MAP3K1: variants seen among roughly 807,000 people sequenced by gnomAD.
The protein encoded by MAP3K1 is mitogen-activated protein kinase kinase kinase 1.
In MAP3K1, 36 loss-of-function variants were observed where a neutral mutation model predicts 144.2. The observed-to-expected ratio is 0.25, with a 90% CI of 0.19 to 0.33. The LOEUF (loss-of-function observed/expected upper bound fraction) is 0.33. MAP3K1 is among the 10% of genes least tolerant of loss of function. MAP3K1 has a pLI of 1.00. For synonymous variants in MAP3K1, 718 were observed against 688.7 expected (o/e 1.04, Z -0.67); for missense variants, 1,650 against 1,881.9 (o/e 0.88, Z 2.28).
chr5:56,881,043 A>C, intron 12 of MAP3K1, 40 bp from the exon 13 acceptor site: 1 of 1,485,572 alleles, frequency 6.7e-7, no homozygotes. Context: ...TTTTAATATC[A>C]CTATTTTTTA....
intron 1 of MAP3K1, among the ~76,000 whole-genome samples, chr5:56,853,191 AC>A (rs1747229070): frequency 6.6e-6 from 1 of 152,218 alleles, no homozygotes; most frequent in South Asian, 2.1e-4. Context: ...AATTATAATA[AC>A]TTTTGATTGC....
rs1160076543 is a variant in MAP3K1, at chr5:56,872,727, T to C, written c.1505+5T>C. ...GAGATCTCATGATTTCTACAGGTAA[T>C]AATTTTGAAATGATACGGATATGTT... On this transcript the variant is annotated splice_donor_5th_base_variant and intron_variant, in intron 8 of 19. Transcript: ENST00000399503. 1.2e-6 allele frequency: 2 copies of C among 1,600,538 alleles called. No homozygotes were observed. Among genetic ancestry groups the C allele is most frequent in the Non-Finnish European group, 1.7e-6 (2 of 1,167,946 alleles).
intron 9 of MAP3K1, among the ~76,000 whole-genome samples, chr5:56,874,725 G>A (rs946454123): frequency 3.9e-5 from 6 of 151,936 alleles, no homozygotes; most frequent in African/African-American, 1.5e-4. Context: ...TTGGCGTTTT[G>A]GTAAGCATGT....
chr5:56,882,823 T>G lies in MAP3K1; in HGVS notation c.3623T>G (p.Leu1208Arg). Reference sequence around the variant, plus strand: ...GATGCCCTCCCCATAGTTCCTCAGCTGCAGGTTGAAAATGGAGAAGATATC... The same window carrying G: ...GATGCCCTCCCCATAGTTCCTCAGCGGCAGGTTGAAAATGGAGAAGATATC... ...SQDALPIVPQ[L>R]QVENGEDIII... Residue 1208 changes from leucine (L) to arginine (R), a missense_variant, in exon 14 of 20, where the codon CTG (leucine) becomes CGG (arginine). By Grantham distance (102) the Leu-to-Arg change is moderately radical. Transcript: ENST00000399503. The G allele has an allele frequency of 6.2e-7, 1 of 1,612,610 alleles. No homozygotes were observed. The highest frequency in any genetic ancestry group is 8.5e-7 in the Non-Finnish European group (1 of 1,179,742).
chr5:56,841,984 ATAG>A (rs1397108167), intron 1 of MAP3K1: 2 of 152,226 alleles, frequency 1.3e-5, no homozygotes, highest in Admixed American at 6.5e-5. Flanking sequence ...ACATTAGATA[ATAG>A]TATAATAAAC....
At chr5:56,859,177 T>C (rs1327166310) in intron 2 of MAP3K1, among the ~76,000 whole-genome samples, 3 of 141,054 alleles carry the variant, frequency 2.1e-5, no homozygotes, top group Non-Finnish European at 4.6e-5. Context: ...TAACCTATTA[T>C]TGTAATATAA....
intron 1 of MAP3K1, among the ~76,000 whole-genome samples, chr5:56,821,825 G>T (rs1265195213): frequency 6.6e-6 from 1 of 152,178 alleles, no homozygotes; most frequent in Non-Finnish European, 1.5e-5. Flanking sequence ...CCATCTCCCA[G>T]CATCTAGACT....
intron 2 of MAP3K1, among the ~76,000 whole-genome samples, chr5:56,857,317 G>A (rs1445753080): frequency 1.3e-5 from 2 of 152,052 alleles, no homozygotes; most frequent in African/African-American, 4.8e-5. Flanking sequence ...TTTGATGAAA[G>A]AAAATCTAGA....
At chr5:56,870,671 T>C (rs1425245442) in intron 6 of MAP3K1, among the ~76,000 whole-genome samples, 3 of 152,170 alleles carry the variant, frequency 2.0e-5, no homozygotes, top group African/African-American at 7.2e-5. Context: ...ACTTTTACTT[T>C]ATATATCAAG....
chr5:56,883,086 A>G (rs1211508351), intron 14 of MAP3K1, among the ~76,000 whole-genome samples: 1 of 152,152 alleles, frequency 6.6e-6, no homozygotes, highest in Non-Finnish European at 1.5e-5. Context: ...GCTACTCAGG[A>G]AGCTGAGGTG....
At chr5:56,834,828 T>C (rs1327809910) in intron 1 of MAP3K1, among the ~76,000 whole-genome samples, 2 of 151,978 alleles carry the variant, frequency 1.3e-5, no homozygotes, top group Admixed American at 6.5e-5. Flanking sequence ...CTCCTGAAAA[T>C]GATTTTGTTG....
chr5:56,891,175 A>G (rs1387719994), intron 19 of MAP3K1, among the ~76,000 whole-genome samples: 1 of 149,894 alleles, frequency 6.7e-6, no homozygotes, highest in Non-Finnish European at 1.5e-5. Context: ...ACACACACAC[A>G]AATCATCAGT....
intron 3 of MAP3K1, among the ~76,000 whole-genome samples, chr5:56,861,320 C>G (rs1410130130): frequency 1.3e-5 from 2 of 152,194 alleles, no homozygotes; most frequent in Non-Finnish European, 2.9e-5. Flanking sequence ...ACCTATAATC[C>G]TAGCACTTTG....
chr5:56,864,838 G>A lies in MAP3K1; in HGVS notation c.939G>A (p.Arg313=), dbSNP rs2111890879. The A allele has an allele frequency of 1.2e-6, 2 of 1,614,058 alleles. No individual in the cohort carries two copies. Among genetic ancestry groups the A allele is most frequent in the Non-Finnish European group, 1.7e-6 (2 of 1,180,004 alleles). Reference sequence around the variant, plus strand: ...ACCGCCGTGTTAACAAAGTGATGCGGGCCAGACTGTACTTACTGCAGCAGA... The same window carrying A: ...ACCGCCGTGTTAACAAAGTGATGCGAGCCAGACTGTACTTACTGCAGCAGA... ...ETNRRVNKVM[R]ARLYLLQQIG... Residue 313 remains arginine, a synonymous_variant, in exon 4 of 20, where the codon CGG becomes CGA. Transcript: ENST00000399503.
chr5:56,864,972 GTATA>G, intron 4 of MAP3K1, 38 bp downstream of exon 4: 3 of 1,558,120 alleles, frequency 1.9e-6, no homozygotes, highest in Non-Finnish European at 2.7e-6. Flanking sequence ...ATTAGTAGTA[GTATA>G]TGGTACTACC....
At chr5:56,822,884 C>A (rs1163671847) in intron 1 of MAP3K1, among the ~76,000 whole-genome samples, 2 of 152,186 alleles carry the variant, frequency 1.3e-5, no homozygotes, top group Non-Finnish European at 2.9e-5. Context: ...GACACCTCCT[C>A]CTCTCACCTC....
intron 1 of MAP3K1, among the ~76,000 whole-genome samples, chr5:56,831,059 A>T (rs1247102498): frequency 6.6e-6 from 1 of 152,110 alleles, no homozygotes; most frequent in Non-Finnish European, 1.5e-5. Context: ...TTAAGTAGTC[A>T]TGTGTGTCAG....
chr5:56,817,489 C>T (rs1746014042), intron 1 of MAP3K1, among the ~76,000 whole-genome samples: 2 of 152,208 alleles, frequency 1.3e-5, no homozygotes, highest in South Asian at 4.1e-4. Context: ...TCCCCTTCCT[C>T]TCCCCAAGAA....
intron 1 of MAP3K1, among the ~76,000 whole-genome samples, chr5:56,825,960 C>T (rs1240080728): frequency 6.7e-6 from 1 of 149,716 alleles, no homozygotes; most frequent in Admixed American, 6.7e-5. Flanking sequence ...CTCAACTGAC[C>T]GTTCTTCTTT....
Sources: gnomAD v4.1 joint callset for allele counts (sites outside exome capture counted in the v4.1 genomes callset) on GRCh38, gnomAD v4.1.1 for gene constraint, MANE v1.5 for transcripts, NCBI Gene and HGNC (gene_info 2026-07-23, HGNC 2026-07-21) for gene names.